Variants in LARS2 observed in about 807,000 individuals in gnomAD.
LARS2 encodes the protein leucine--tRNA ligase, mitochondrial.
LARS2 carries 81 observed loss-of-function variants against 116.6 expected under a neutral mutation model. The ratio of observed to expected loss-of-function variants is 0.69; its 90% CI spans 0.58 to 0.84. The LOEUF (loss-of-function observed/expected upper bound fraction) is 0.84, where lower values mean the gene tolerates loss of function less well. LARS2 is among the 40% of genes least tolerant of loss of function. LARS2 has a pLI of 0.00. For missense variants in LARS2, 968 were observed against 1,114.5 expected, an observed-to-expected ratio of 0.87 and a Z score of 1.87; for synonymous variants, 396 against 407.2, an observed-to-expected ratio of 0.97 and a Z score of 0.33.
At chr3:45,409,628 C>T (rs1698294694) in intron 4 of LARS2, among the ~76,000 whole-genome samples, 1 of 152,146 alleles carries the variant, frequency 6.6e-6, no homozygotes, top group South Asian at 2.1e-4. Context: ...GGTGAATCAT[C>T]TTATAGAACA....
At chr3:45,396,780 G>T (rs1698054293) in intron 3 of LARS2, among the ~76,000 whole-genome samples, 1 of 152,192 alleles carries the variant, frequency 6.6e-6, no homozygotes, top group South Asian at 2.1e-4. Flanking sequence ...CTCAGAAAAA[G>T]GTTTAGGTAA....
chr3:45,401,706 G>A (rs1341144843), intron 4 of LARS2, among the ~76,000 whole-genome samples: 8 of 151,854 alleles, frequency 5.3e-5, no homozygotes, highest in Non-Finnish European at 2.9e-5. Context: ...TTGCAGCCTC[G>A]ACCTCCCAGG....
chr3:45,468,091 A>T (rs7615061), intron 8 of LARS2, among the ~76,000 whole-genome samples: 3 of 151,812 alleles, frequency 2.0e-5, no homozygotes, highest in African/African-American at 7.3e-5. Flanking sequence ...AGAGTGAGAC[A>T]CTGTCTCAAA....
At chr3:45,486,011 G>A (rs549910571) in intron 11 of LARS2, among the ~76,000 whole-genome samples, 50 of 27,364 alleles carry the variant, frequency 1.8e-3, no homozygotes, top group African/African-American at 2.0e-3. Flanking sequence ...CGTTGCTACT[G>A]AGAATAAGAA....
chr3:45,464,118 C>T (rs1699382222), intron 8 of LARS2, among the ~76,000 whole-genome samples: 1 of 152,158 alleles, frequency 6.6e-6, no homozygotes. Context: ...CCTGATTTCA[C>T]CTGTGAGCTT....
At chr3:45,424,821 G>A (rs1698569050) in intron 6 of LARS2, among the ~76,000 whole-genome samples, 1 of 152,114 alleles carries the variant, frequency 6.6e-6, no homozygotes, top group African/African-American at 2.4e-5. Context: ...TTTCATAGGA[G>A]CCCTTTCTCA....
chr3:45,514,344 CT>C (rs1487264893), intron 16 of LARS2, among the ~76,000 whole-genome samples: 6 of 152,310 alleles, frequency 3.9e-5, no homozygotes, highest in African/African-American at 1.4e-4. Context: ...CACGACAACC[CT>C]GTAAATGGTA....
At chr3:45,523,946 C>A (rs748455782) in intron 19 of LARS2, 51 bp from the exon 20 acceptor site, 2 of 1,317,372 alleles carry the variant, frequency 1.5e-6, no homozygotes, top group Non-Finnish European at 2.2e-6. Context: ...CTTTCTTACC[C>A]GTGCTTATTT....
rs1698601696 is a variant in LARS2, at chr3:45,426,762, TA to T, written c.516+7036del. ...TATTCTCGCAGTCTTCAGCCTTAACTAAAGAGGGATGTCTCCTGGGGCTGCC... is the reference window on the plus strand; with the variant it reads ...TATTCTCGCAGTCTTCAGCCTTAACTAAGAGGGATGTCTCCTGGGGCTGCC... On this transcript the variant is annotated intron_variant, in intron 6 of 21. Transcript: ENST00000645846. Among the ~76,000 whole-genome samples the T allele has an allele frequency of 3.3e-5, 5 of 152,326 alleles. No homozygotes were observed. The South Asian group carries it at 1.0e-3, about 32-fold the overall frequency.
chr3:45,455,856 A>C (rs1020835260), intron 7 of LARS2, among the ~76,000 whole-genome samples: 14 of 152,158 alleles, frequency 9.2e-5, no homozygotes, highest in African/African-American at 3.4e-4. Context: ...ACAGGGATGA[A>C]TCTAGAAGAC....
intron 19 of LARS2, among the ~76,000 whole-genome samples, chr3:45,520,626 C>T (rs1298645387): frequency 2.0e-5 from 3 of 152,144 alleles, no homozygotes; most frequent in Non-Finnish European, 4.4e-5. Context: ...TCTTTGCACC[C>T]CCGCTGTCTG....
chr3:45,432,317 A>G (rs1000564110), intron 6 of LARS2, among the ~76,000 whole-genome samples: 1 of 152,154 alleles, frequency 6.6e-6, no homozygotes, highest in African/African-American at 2.4e-5. Context: ...TCTAACAGAC[A>G]CACAGAACAC....
chr3:45,407,295 C>T (rs573217744), intron 4 of LARS2, among the ~76,000 whole-genome samples: 38 of 152,254 alleles, frequency 2.5e-4, no homozygotes, highest in African/African-American at 7.9e-4. Context: ...ATGAAGTGCC[C>T]GGAGAGTGCA....
intron 6 of LARS2, among the ~76,000 whole-genome samples, chr3:45,437,240 C>T (rs907449138): frequency 1.2e-4 from 18 of 152,140 alleles, no homozygotes; most frequent in Non-Finnish European, 2.4e-4. Context: ...ATAAAATGCA[C>T]GCCCTGTAAA....
rs1700315973 is a variant in LARS2 at position 45,513,254 on chromosome 3, G to A, written c.1861+19G>A. The A allele has an allele frequency of 1.3e-6, 2 of 1,505,218 alleles. No individual in the cohort carries two copies. The allele number at this position is 1,505,218 out of a possible 1,614,324, so 93.2% of individuals were successfully genotyped here. A position where few individuals can be genotyped will look rare whatever the true frequency, so the allele number is the denominator to read the frequency against. ...CTCACAGGTAAGAATGGCCCATCTG[G>A]TCCCATCCAGGTACTCCCAGAGAGC... is the stretch of plus-strand genomic sequence containing the variant. On this transcript the variant is annotated intron_variant, in intron 16 of 21. Coordinates refer to ENST00000645846, the MANE Select transcript of LARS2 (RefSeq NM_015340.4).
intron 14 of LARS2, 92 bp downstream of exon 14, chr3:45,496,465 T>G (rs1435217602): frequency 2.1e-6 from 2 of 957,108 alleles, no homozygotes; most frequent in African/African-American, 3.2e-5. Flanking sequence ...GCAAGAGATT[T>G]CTTGGGGGGA....
Position 45,516,264 on chromosome 3 carries a change from T to C in LARS2, c.2032T>C (p.Trp678Arg), listed in dbSNP as rs1303256517. Residue 678 changes from tryptophan (W) to arginine (R), a missense_variant, in exon 17 of 22, where the codon TGG becomes CGG. Trp to Arg is a moderately radical substitution (Grantham distance 101). Coordinates refer to ENST00000645846, the MANE Select transcript of LARS2 (RefSeq NM_015340.4). ...TGCCCCTCCTGAGAAGGATATCTTG[T>C]GGGATGTGAAAAGTAAGTCACCTTC... is the stretch of plus-strand genomic sequence containing the variant. ...FAAPPEKDILWDVKTDALPGV... is the reference protein window; with the variant it reads ...FAAPPEKDILRDVKTDALPGV... 6.2e-7 allele frequency: 1 copy of C among 1,613,114 alleles called. No individual in the cohort carries two copies. The highest frequency in any genetic ancestry group is 8.5e-7 in the Non-Finnish European group (1 of 1,179,534).
At chr3:45,519,275 A>G (rs1700415445) in intron 18 of LARS2, among the ~76,000 whole-genome samples, 1 of 151,950 alleles carries the variant, frequency 6.6e-6, no homozygotes, top group Non-Finnish European at 1.5e-5. Context: ...GCAGATCACA[A>G]GATCAAGAGA....
intron 6 of LARS2, among the ~76,000 whole-genome samples, chr3:45,444,429 C>T (rs1254025278): frequency 2.6e-4 from 39 of 148,586 alleles, no homozygotes; most frequent in Non-Finnish European, 4.6e-4. Context: ...TTTGGGAGGC[C>T]GAGGTGGGCG....
Sources: allele counts gnomAD v4.1 joint callset (sites outside exome capture counted in the v4.1 genomes callset), GRCh38; gene constraint gnomAD v4.1.1; transcripts MANE v1.5; gene names NCBI Gene and HGNC (gene_info 2026-07-23, HGNC 2026-07-21).